The following FXN variants were observed in gnomAD, a reference collection of about 807,000 sequenced individuals.
The protein encoded by FXN is frataxin, mitochondrial.
In FXN, 14 loss-of-function variants were observed where a neutral mutation model predicts 22.4. The ratio of observed to expected loss-of-function variants is 0.62; its 90% CI spans 0.41 to 0.98. FXN has a LOEUF of 0.98. Among genes scored for constraint, FXN ranks in the 50% least tolerant of loss-of-function variants. The pLI, the probability that FXN is intolerant of heterozygous loss-of-function variation, is 0.00. For synonymous variants in FXN, 120 were observed against 114.1 expected (o/e 1.05, Z -0.33); for missense variants, 267 against 268.4 (o/e 0.99, Z 0.04).
chr9:69,062,564 A>T (rs1832093538), intron 3 of FXN, among the ~76,000 whole-genome samples: 2 of 152,232 alleles, frequency 1.3e-5, no homozygotes, highest in Admixed American at 6.5e-5. Context: ...GTCAACTCAT[A>T]AAAGGACAAA....
rs117148203 is a variant in FXN at position 69,038,228 on chromosome 9, G to A, written c.165+2281G>A. ...TTGAGGAGTTGGGTGGGTGGCAGTG[G>A]CAACTGGGGCCACCATCCTGTTTAA... On this transcript the variant is annotated intron_variant, in intron 1 of 4. Coordinates refer to ENST00000484259, the MANE Select transcript of FXN (RefSeq NM_000144.5). Among the ~76,000 whole-genome samples the A allele has an allele frequency of 8.2e-4, 125 of 152,264 alleles. No homozygotes were observed. In the East Asian group the frequency reaches 0.02, roughly 24 times the overall value.
Position 69,074,610 on chromosome 9 carries a change from T to C in FXN, c.*1848T>C, listed in dbSNP as rs1168654659. 5 of 985,074 alleles carry C rather than the reference T, an allele frequency of 5.1e-6. No homozygotes were observed. The highest frequency in any genetic ancestry group is 6.0e-6 in the Non-Finnish European group (5 of 829,840). 61.0% of individuals were successfully genotyped at this position (985,074 alleles called of 1,614,324 possible). On this transcript the variant is annotated 3_prime_UTR_variant, in exon 5 of 5. Coordinates refer to ENST00000484259, the MANE Select transcript of FXN (RefSeq NM_000144.5). ...AATGGGTGAATAAAAACACATTCCA[T>C]TAAGTCAAGCTGGGAGCAGTGGCAT...
chr9:69,060,716 G>C (rs1465135099), intron 3 of FXN, among the ~76,000 whole-genome samples: 7 of 152,298 alleles, frequency 4.6e-5, no homozygotes, highest in African/African-American at 1.7e-4. Flanking sequence ...GAGCATTGGG[G>C]TTTTCTGCCC....
chr9:69,041,994 G>C (rs1013769372), intron 1 of FXN, among the ~76,000 whole-genome samples: 4 of 152,148 alleles, frequency 2.6e-5, no homozygotes, highest in African/African-American at 7.2e-5. Context: ...TGTAATCCCA[G>C]CACTTTGGGA....
At chr9:69,053,556 A>T (rs912775310) in intron 3 of FXN, among the ~76,000 whole-genome samples, 5 of 152,092 alleles carry the variant, frequency 3.3e-5, no homozygotes, top group African/African-American at 9.7e-5. Context: ...TAGATAAGAT[A>T]GATAAGACAA....
At chr9:69,071,025 A>C (rs1832265148) in intron 4 of FXN, among the ~76,000 whole-genome samples, 1 of 151,992 alleles carries the variant, frequency 6.6e-6, no homozygotes, top group Non-Finnish European at 1.5e-5. Flanking sequence ...GTCCTGTGAA[A>C]TCAGCAGTCT....
chr9:69,038,147 T>G (rs1216570756), intron 1 of FXN, among the ~76,000 whole-genome samples: 1 of 152,236 alleles, frequency 6.6e-6, no homozygotes, highest in Admixed American at 6.5e-5. Context: ...CTATACTGAA[T>G]TAATCACATT....
chr9:69,054,373 C>T (rs111582289), intron 3 of FXN, among the ~76,000 whole-genome samples: 1 of 152,190 alleles, frequency 6.6e-6, no homozygotes, highest in Admixed American at 6.5e-5. Context: ...TGGTCTTTAT[C>T]GACTGGCCAC....
intron 3 of FXN, among the ~76,000 whole-genome samples, chr9:69,057,692 A>G (rs548535433): frequency 6.6e-6 from 1 of 152,204 alleles, no homozygotes; most frequent in South Asian, 2.1e-4. Context: ...GTTTGATAAT[A>G]TTATTACTTG....
rs532013726 is a variant in FXN, at chr9:69,069,240, C to T, written c.483-3372C>T. 3.8e-4 allele frequency among the ~76,000 whole-genome samples: 58 copies of T among 152,280 alleles called. 1 individual carries two copies. The South Asian group carries it at 0.012, about 31-fold the overall frequency. ...ATTCGCCAGGCATGGTGGCAGGCAC[C>T]TGTAATCCCAGCTGCTTGGGAGACT... On this transcript the variant is annotated intron_variant, in intron 4 of 4. Coordinates refer to ENST00000484259, the MANE Select transcript of FXN (RefSeq NM_000144.5).
At chr9:69,052,145 GC>G (rs2133109083) in intron 2 of FXN, among the ~76,000 whole-genome samples, 1 of 136,806 alleles carries the variant, frequency 7.3e-6, no homozygotes, top group Admixed American at 7.6e-5. Context: ...ACCAGGCCCA[GC>G]CTATTTTTTT....
intron 1 of FXN, among the ~76,000 whole-genome samples, chr9:69,045,315 A>C (rs1051082608): frequency 1.3e-5 from 2 of 152,130 alleles, no homozygotes; most frequent in Non-Finnish European, 2.9e-5. Flanking sequence ...AAAATACTTT[A>C]ATATAGGGCT....
rs1307910908 is a variant in FXN at position 69,075,703 on chromosome 9, G to T, written c.*2941G>T. The T allele has an allele frequency of 1.0e-6, 1 of 985,126 alleles. No homozygotes were observed. Among genetic ancestry groups the T allele is most frequent in the Non-Finnish European group, 1.2e-6 (1 of 829,844 alleles). 61.0% of individuals were successfully genotyped at this position (985,126 alleles called of 1,614,324 possible). A position where few individuals can be genotyped will look rare whatever the true frequency, so the allele number is the denominator to read the frequency against. The stretch of plus-strand genomic sequence containing the variant: ...AACATACTGGAGGAGGTGAGGAATT[G>T]CATAATACAATCTTAGAAAACTTTT... On this transcript the variant is annotated 3_prime_UTR_variant, in exon 5 of 5. Coordinates refer to ENST00000484259, the MANE Select transcript of FXN (RefSeq NM_000144.5).
At chr9:69,039,940 C>T (rs1182646868) in intron 1 of FXN, among the ~76,000 whole-genome samples, 1 of 152,100 alleles carries the variant, frequency 6.6e-6, no homozygotes, top group African/African-American at 2.4e-5. Flanking sequence ...GAGTGTGCTA[C>T]CTCAGGTGTC....
In FXN at chr9:69,046,390, G is replaced by A. The variant is rs767221228; in HGVS notation, c.171G>A (p.Ser57=). 17 of 1,613,692 alleles carry A rather than the reference G, an allele frequency of 1.1e-5. 1 individual carries two copies. The highest frequency in any genetic ancestry group is 3.3e-4 in the Middle Eastern group (2 of 6,082). ...TTCTTAACTTTGGCTTTCAGAGTTC[G>A]AACCAACGTGGCCTCAACCAGATTT... The part of the protein sequence containing the change: ...DATCTPRRAS[S]NQRGLNQIWN... Residue 57 remains serine (S), a synonymous_variant, in exon 2 of 5, where the codon TCG becomes TCA. Coordinates refer to ENST00000484259, the MANE Select transcript of FXN (RefSeq NM_000144.5).
chr9:69,047,962 C>T (rs1831789474), intron 2 of FXN, among the ~76,000 whole-genome samples: 1 of 152,146 alleles, frequency 6.6e-6, no homozygotes, highest in African/African-American at 2.4e-5. Flanking sequence ...AGATGATCCG[C>T]CCGCCTCGGC....
intron 2 of FXN, among the ~76,000 whole-genome samples, chr9:69,047,938 G>A (rs1262860443): frequency 6.6e-6 from 1 of 152,064 alleles, no homozygotes; most frequent in Non-Finnish European, 1.5e-5. Context: ...GGCTGGTCTT[G>A]AACTCCTGAC....
intron 2 of FXN, among the ~76,000 whole-genome samples, chr9:69,051,501 A>G (rs1315555493): frequency 6.6e-6 from 1 of 152,118 alleles, no homozygotes; most frequent in East Asian, 1.9e-4. Flanking sequence ...TCTTTCAGTA[A>G]GTAAAATGAA....
At position 69,072,437 on chromosome 9, in the gene FXN, T is replaced by G. The variant is rs59524766; in HGVS notation, c.483-175T>G. Among the ~76,000 whole-genome samples, 10,516 of 152,174 alleles carry G rather than the reference T, an allele frequency of 0.069. 496 individuals carry two copies. Among genetic ancestry groups the G allele is most frequent in the African/African-American group, 0.13 (5,410 of 41,494 alleles). On this transcript the variant is annotated intron_variant, in intron 4 of 4. Transcript: ENST00000484259. ...ATTCTTGGAATTGTTCCAGAAGATA[T>G]ATCGTATAACTCTTCTTAGATGCTA... is the stretch of plus-strand genomic sequence containing the variant.
Sources: allele counts gnomAD v4.1 joint callset (sites outside exome capture counted in the v4.1 genomes callset), GRCh38; gene constraint gnomAD v4.1.1; transcripts MANE v1.5; gene names NCBI Gene and HGNC (gene_info 2026-07-23, HGNC 2026-07-21).